FRMPD4: variants seen among roughly 807,000 people sequenced by gnomAD.
FRMPD4 encodes the protein FERM and PDZ domain containing 4, also known as FERM and PDZ domain-containing protein 4.
Under a neutral mutation model 94.1 loss-of-function variants are expected in FRMPD4, and 22 were observed. That is an observed-to-expected ratio of 0.23 (90% CI 0.17 to 0.33). The LOEUF is 0.33. Among genes scored for constraint, FRMPD4 ranks in the 10% least tolerant of loss-of-function variants. The probability of loss-of-function intolerance (pLI) is 1.00; values close to 1 mark genes in which losing one functional copy is unlikely to be tolerated. For missense variants in FRMPD4, 1,111 were observed against 1,339.9 expected (o/e 0.83, Z 2.67); for synonymous variants, 631 against 548.6 (o/e 1.15, Z -2.10).
chrX:12,003,386 A>T (rs2054534163), intron 3 of FRMPD4, among the ~76,000 whole-genome samples: 1 of 102,189 alleles, frequency 9.8e-6, no homozygotes, highest in Non-Finnish European at 2.0e-5. Flanking sequence ...CAGTTTGGCA[A>T]GTGTGTGTGT....
chrX:12,656,795 A>G (rs770784825), intron 4 of FRMPD4, among the ~76,000 whole-genome samples: 13 of 111,767 alleles, frequency 1.2e-4, no homozygotes, highest in Non-Finnish European at 1.7e-4. Context: ...TTGGTACATA[A>G]CAAATTACCT....
At chrX:12,672,805 T>G (rs1051307559) in intron 4 of FRMPD4, among the ~76,000 whole-genome samples, 6 of 112,086 alleles carry the variant, frequency 5.4e-5, no homozygotes, top group Non-Finnish European at 1.1e-4. Flanking sequence ...GAGTTAATTC[T>G]TCTCTGGAAG....
intron 14 of FRMPD4, 68 bp from the exon 15 acceptor site, chrX:12,716,001 T>TGGGGCCCCCCCC: frequency 4.3e-6 from 1 of 231,653 alleles, no homozygotes; most frequent in Non-Finnish European, 8.2e-6. Context: ...GAGACGAGCC[T>TGGGGCCCCCCCC]CCCACCCCCG....
At chrX:11,994,678 T>A (rs2054487460) in intron 3 of FRMPD4, among the ~76,000 whole-genome samples, 1 of 111,880 alleles carries the variant, frequency 8.9e-6, no homozygotes, top group Non-Finnish European at 1.9e-5. Context: ...AACTGTATGT[T>A]CAGGTGTGTA....
chrX:12,560,927 G>T (rs771950160), intron 2 of FRMPD4, among the ~76,000 whole-genome samples: 1 of 98,513 alleles, frequency 1.0e-5, no homozygotes, highest in African/African-American at 3.7e-5. Flanking sequence ...CCGCCACTAC[G>T]CCCGGCTAAT....
chrX:11,971,287 CATT>C (rs2054338970), intron 3 of FRMPD4, among the ~76,000 whole-genome samples: 1 of 112,497 alleles, frequency 8.9e-6, no homozygotes, highest in Admixed American at 9.4e-5. Context: ...TTCTGCCTAA[CATT>C]ATCTATTCCC....
intron 4 of FRMPD4, among the ~76,000 whole-genome samples, chrX:12,639,605 T>TA: frequency 8.9e-6 from 1 of 112,555 alleles, no homozygotes; most frequent in Middle Eastern, 4.6e-3. Context: ...GCCTAATTTT[T>TA]AAAAAGTACC....
intron 3 of FRMPD4, among the ~76,000 whole-genome samples, chrX:11,935,433 C>A (rs1382433469): frequency 7.5e-5 from 1 of 13,418 alleles, no homozygotes. Flanking sequence ...ATCCCTCCCC[C>A]CTCCCCCGAC....
chrX:11,948,168 T>G (rs764656815), intron 3 of FRMPD4, among the ~76,000 whole-genome samples: 1 of 110,358 alleles, frequency 9.1e-6, no homozygotes, highest in Admixed American at 9.7e-5. Context: ...ACTAACATTT[T>G]CAAACTGGGC....
intron 3 of FRMPD4, among the ~76,000 whole-genome samples, chrX:11,964,148 CTTT>C (rs1437611357): frequency 1.9e-5 from 2 of 106,861 alleles, no homozygotes; most frequent in Admixed American, 2.1e-4. Flanking sequence ...GGATTCAGTG[CTTT>C]TTTTGTTGTT....
intron 1 of FRMPD4, among the ~76,000 whole-genome samples, chrX:12,488,764 G>A (rs1025544378): frequency 3.6e-5 from 4 of 111,654 alleles, no homozygotes; most frequent in Non-Finnish European, 5.7e-5. Context: ...TTAGTCAACC[G>A]AGGTGAACAT....
intron 3 of FRMPD4, among the ~76,000 whole-genome samples, chrX:11,948,370 G>C (rs752153554): frequency 7.2e-5 from 8 of 111,287 alleles, no homozygotes; most frequent in South Asian, 3.8e-4. Flanking sequence ...GAGATCTTTT[G>C]CTCTCTTTTT....
chrX:12,344,455 A>G (rs1469404032), intron 1 of FRMPD4, among the ~76,000 whole-genome samples: 1 of 111,361 alleles, frequency 9.0e-6, no homozygotes, highest in Non-Finnish European at 1.9e-5. Context: ...ATCTTTTGAT[A>G]TTAAATTAGA....
chrX:12,139,413 G>A (rs890846745), intron 1 of FRMPD4, among the ~76,000 whole-genome samples: 2 of 110,670 alleles, frequency 1.8e-5, no homozygotes, highest in African/African-American at 6.6e-5. Context: ...GACCAAAAGT[G>A]CCGCCTTCCC....
At chrX:12,689,132 T>C (rs1434521655) in intron 7 of FRMPD4, among the ~76,000 whole-genome samples, 1 of 111,663 alleles carries the variant, frequency 9.0e-6, no homozygotes, top group Non-Finnish European at 1.9e-5. Flanking sequence ...CCTATAGAAT[T>C]TTTAGCATCT....
chrX:12,670,611 G>A (rs935971040), intron 4 of FRMPD4, among the ~76,000 whole-genome samples: 2 of 112,095 alleles, frequency 1.8e-5, no homozygotes, highest in African/African-American at 6.5e-5. Flanking sequence ...AGACTTAAAC[G>A]TAAGACCTAA....
chrX:12,345,615 A>G (rs1465917400), intron 1 of FRMPD4, among the ~76,000 whole-genome samples: 5 of 111,735 alleles, frequency 4.5e-5, no homozygotes, highest in African/African-American at 6.5e-5. Flanking sequence ...CAATTCCCCA[A>G]TGGATCAGTC....
At chrX:12,394,350 C>A (rs1295065068) in intron 1 of FRMPD4, among the ~76,000 whole-genome samples, 2 of 111,773 alleles carry the variant, frequency 1.8e-5, no homozygotes, top group African/African-American at 6.5e-5. Context: ...AATGGTGGCT[C>A]CTTTTCAAGG....
At position 12,528,305 on chromosome X, in the gene FRMPD4, T is replaced by TTTTTTTTG. The variant is rs1348405156; in HGVS notation, c.158+29515_158+29522dup. Among the ~76,000 whole-genome samples the TTTTTTTTG allele has an allele frequency of 3.6e-3, 368 of 101,846 alleles. 5 individuals carry two copies. Among genetic ancestry groups the TTTTTTTTG allele is most frequent in the African/African-American group, 0.013 (350 of 26,119 alleles). 88.4% of individuals were successfully genotyped at this position (101,846 alleles called of 115,157 possible). ...CACAGTAGCCAGTCTGTTAGTCTGTTTTTTTTTGTTTTTGTTTTTTTTTTT... is the reference window on the plus strand; with the variant it reads ...CACAGTAGCCAGTCTGTTAGTCTGTTTTTTTTTGTTTTTTTGTTTTTGTTTTTTTTTTT... On this transcript the variant is annotated intron_variant, in intron 2 of 16. Transcript: ENST00000675598.
Sources: gnomAD v4.1 joint callset for allele counts (sites outside exome capture counted in the v4.1 genomes callset) on GRCh38, gnomAD v4.1.1 for gene constraint, MANE v1.5 for transcripts, NCBI Gene and HGNC (gene_info 2026-07-23, HGNC 2026-07-21) for gene names.